The following SLC4A10 variants were observed in gnomAD, a reference collection of about 807,000 sequenced individuals.
The protein encoded by SLC4A10 is sodium-driven chloride bicarbonate exchanger.
Under a neutral mutation model 137.7 loss-of-function variants are expected in SLC4A10, and 42 were observed. That is an observed-to-expected ratio of 0.30 (90% confidence interval 0.24 to 0.39). The LOEUF (loss-of-function observed/expected upper bound fraction) is 0.39, where lower values mean the gene tolerates loss of function less well. SLC4A10 is among the 10% of genes least tolerant of loss of function. The pLI is 1.00. For missense variants in SLC4A10, 925 were observed against 1,355.0 expected, an observed-to-expected ratio of 0.68 and a Z score of 4.98; for synonymous variants, 474 against 464.1, an observed-to-expected ratio of 1.02 and a Z score of -0.27.
intron 4 of SLC4A10, among the ~76,000 whole-genome samples, chr2:161,853,819 A>AT (rs768067756): frequency 1.2e-3 from 182 of 150,926 alleles, no homozygotes; most frequent in Non-Finnish European, 2.0e-3. Context: ...ACTTTCTGAC[A>AT]TTTTTTTTTC....
chr2:161,832,238 C>G (rs936435438), intron 3 of SLC4A10, among the ~76,000 whole-genome samples: 3 of 152,206 alleles, frequency 2.0e-5, no homozygotes, highest in African/African-American at 7.2e-5. Flanking sequence ...TGATGATACT[C>G]TAGGTACTAC....
rs539008353 is a variant in SLC4A10 at position 161,948,995 on chromosome 2, A to T, written c.2266-153A>T. Reference sequence around the variant, plus strand: ...TACATAAATATATATTCAGGTTCTGACAGAGCTAATGGTAATCTTATAGTA... The same window carrying T: ...TACATAAATATATATTCAGGTTCTGTCAGAGCTAATGGTAATCTTATAGTA... On this transcript the variant is annotated intron_variant, in intron 17 of 26. Coordinates refer to ENST00000446997, the MANE Select transcript of SLC4A10 (RefSeq NM_001178015.2). Among the ~76,000 whole-genome samples the T allele has an allele frequency of 5.4e-4, 82 of 152,218 alleles. 1 individual carries two copies. Among genetic ancestry groups the T allele is most frequent in the African/African-American group, 2.0e-3 (82 of 41,574 alleles).
intron 3 of SLC4A10, among the ~76,000 whole-genome samples, chr2:161,808,914 C>A (rs1323801994): frequency 6.6e-6 from 1 of 152,108 alleles, no homozygotes. Flanking sequence ...ATTCATTTTT[C>A]TTTGAGTATA....
intron 23 of SLC4A10, among the ~76,000 whole-genome samples, chr2:161,965,702 A>G (rs961489138): frequency 6.6e-6 from 1 of 152,170 alleles, no homozygotes; most frequent in Admixed American, 6.5e-5. Flanking sequence ...GATTGAGTAG[A>G]TGTTGCAGAA....
chr2:161,723,872 A>G (rs1215311806), intron 1 of SLC4A10, among the ~76,000 whole-genome samples: 1 of 152,216 alleles, frequency 6.6e-6, no homozygotes, highest in Non-Finnish European at 1.5e-5. Context: ...TATAGCTGAA[A>G]TCTATACCTT....
rs558114091 is a variant in SLC4A10 at position 161,778,505 on chromosome 2, T to C, written c.130+7451T>C. ...GATAGGTACTAAAAAATGTGTTGCA[T>C]TGAGTGCCATTCATATATATTTCAA... is the stretch of plus-strand genomic sequence containing the variant. On this transcript the variant is annotated intron_variant, in intron 2 of 26. Coordinates refer to ENST00000446997, the MANE Select transcript of SLC4A10 (RefSeq NM_001178015.2). Among the ~76,000 whole-genome samples, 403 of 152,044 alleles carry C rather than the reference T, an allele frequency of 2.7e-3. 2 individuals carry two copies. Among genetic ancestry groups the C allele is most frequent in the Non-Finnish European group, 4.6e-3 (309 of 67,912 alleles).
intron 1 of SLC4A10, among the ~76,000 whole-genome samples, chr2:161,714,263 C>T (rs1167866802): frequency 2.0e-5 from 3 of 151,894 alleles, no homozygotes; most frequent in Non-Finnish European, 4.4e-5. Flanking sequence ...AGGAACCCAA[C>T]AAATTTTCAG....
At chr2:161,715,218 TTAGAGTA>T (rs1243938140) in intron 1 of SLC4A10, among the ~76,000 whole-genome samples, 1 of 151,984 alleles carries the variant, frequency 6.6e-6, no homozygotes, top group Non-Finnish European at 1.5e-5. Flanking sequence ...TTCATACTGT[TTAGAGTA>T]TAAACACCTG....
chr2:161,629,411 A>C (rs2033104471), intron 1 of SLC4A10, among the ~76,000 whole-genome samples: 1 of 149,292 alleles, frequency 6.7e-6, no homozygotes, highest in Admixed American at 6.7e-5. Context: ...AATGGGTCTT[A>C]TTTTTGAGAG....
intron 1 of SLC4A10, among the ~76,000 whole-genome samples, chr2:161,748,436 T>TTGTGTGTGTGTGTGTGTG (rs144251917): frequency 1.7e-4 from 24 of 142,518 alleles, no homozygotes; most frequent in African/African-American, 5.6e-4. Context: ...CATTTTGAGT[T>TTGTGTGTGTGTGTGTGTG]TGTGTGTGTG....
intron 4 of SLC4A10, among the ~76,000 whole-genome samples, chr2:161,849,649 C>A (rs528489194): frequency 4.6e-5 from 7 of 152,186 alleles, no homozygotes; most frequent in African/African-American, 1.7e-4. Flanking sequence ...TCTGCATCTT[C>A]TGAGATGATC....
intron 1 of SLC4A10, among the ~76,000 whole-genome samples, chr2:161,698,089 T>C (rs1010369233): frequency 9.2e-5 from 14 of 152,230 alleles, no homozygotes; most frequent in African/African-American, 3.1e-4. Context: ...GGAGTTCACT[T>C]ATGATTTGGC....
chr2:161,868,133 A>T (rs1480631761), intron 6 of SLC4A10, among the ~76,000 whole-genome samples: 1 of 151,960 alleles, frequency 6.6e-6, no homozygotes, highest in African/African-American at 2.4e-5. Flanking sequence ...CTGCTGTTTT[A>T]TAATACATAT....
chr2:161,708,940 T>C, intron 1 of SLC4A10: 2 of 1,255,868 alleles, frequency 1.6e-6, no homozygotes, highest in Non-Finnish European at 2.1e-6. Context: ...TGTCAGACTT[T>C]CCTTAGGATA....
At chr2:161,830,521 G>A (rs1575169399) in intron 3 of SLC4A10, among the ~76,000 whole-genome samples, 1 of 150,386 alleles carries the variant, frequency 6.6e-6, no homozygotes, top group Non-Finnish European at 1.5e-5. Context: ...AATAAGACTG[G>A]AAACTTTGAG....
intron 1 of SLC4A10, among the ~76,000 whole-genome samples, chr2:161,728,443 G>A (rs1335092257): frequency 2.0e-5 from 3 of 151,730 alleles, no homozygotes; most frequent in East Asian, 1.9e-4. Flanking sequence ...GGGCATGGTG[G>A]TGTGCCCCTG....
At chr2:161,863,973 G>A (rs1032410838) in intron 6 of SLC4A10, among the ~76,000 whole-genome samples, 5 of 152,156 alleles carry the variant, frequency 3.3e-5, no homozygotes, top group East Asian at 1.9e-4. Context: ...AGGCCGAGGC[G>A]GGCGGATCAA....
At chr2:161,961,909 T>A (rs1471197570) in intron 21 of SLC4A10, among the ~76,000 whole-genome samples, 1 of 152,164 alleles carries the variant, frequency 6.6e-6, no homozygotes, top group Non-Finnish European at 1.5e-5. Context: ...GGTCTCACAC[T>A]GAGAAACAGT....
chr2:161,927,746 A>G (rs1689443387), intron 15 of SLC4A10, among the ~76,000 whole-genome samples: 1 of 152,238 alleles, frequency 6.6e-6, no homozygotes, highest in South Asian at 2.1e-4. Flanking sequence ...GAAGACATTT[A>G]TACAGCCAAA....
Sources: allele counts gnomAD v4.1 joint callset (sites outside exome capture counted in the v4.1 genomes callset), GRCh38; gene constraint gnomAD v4.1.1; transcripts MANE v1.5; gene names NCBI Gene and HGNC (gene_info 2026-07-23, HGNC 2026-07-21).